The following SCNN1B variants were observed in gnomAD, a reference collection of about 807,000 sequenced individuals.
SCNN1B encodes the protein epithelial sodium channel subunit beta.
A neutral mutation model predicts 65.3 loss-of-function variants in SCNN1B; 46 were observed. The ratio of observed to expected loss-of-function variants is 0.70; its 90% CI spans 0.56 to 0.90. The LOEUF (loss-of-function observed/expected upper bound fraction) is 0.90, where lower values mean the gene tolerates loss of function less well. SCNN1B is among the 40% of genes least tolerant of loss of function. The probability of loss-of-function intolerance (pLI) is 0.00; values close to 1 mark genes in which losing one functional copy is unlikely to be tolerated. For synonymous variants in SCNN1B, 349 were observed against 330.6 expected, an observed-to-expected ratio of 1.06 and a Z score of -0.60; for missense variants, 751 against 830.5, an observed-to-expected ratio of 0.90 and a Z score of 1.18.
intron 4 of SCNN1B, among the ~76,000 whole-genome samples, chr16:23,360,999 T>C (rs1440409054): frequency 6.6e-6 from 1 of 152,186 alleles, no homozygotes; most frequent in East Asian, 1.9e-4. Context: ...TTTCACTGTG[T>C]TAGCCAGGAT....
chr16:23,278,744 A>G (rs185559925), intron 1 of SCNN1B, among the ~76,000 whole-genome samples: 35 of 152,144 alleles, frequency 2.3e-4, no homozygotes, highest in Admixed American at 4.6e-4. Context: ...CAGCCTGGGC[A>G]ACATAGTGAC....
intron 7 of SCNN1B, among the ~76,000 whole-genome samples, chr16:23,374,198 T>C (rs1293818457): frequency 7.0e-6 from 1 of 142,694 alleles, no homozygotes; most frequent in East Asian, 2.1e-4. Context: ...CCCAAGAGTT[T>C]GAGGATGCAG....
chr16:23,358,396 C>G (rs928301389), intron 4 of SCNN1B: 1 of 152,202 alleles, frequency 6.6e-6, no homozygotes, highest in African/African-American at 2.4e-5. Context: ...CACCTAGACT[C>G]AAATCCTGGC....
intron 1 of SCNN1B, among the ~76,000 whole-genome samples, chr16:23,340,772 G>A (rs1176767965): frequency 6.6e-6 from 1 of 152,148 alleles, no homozygotes; most frequent in Non-Finnish European, 1.5e-5. Context: ...ATGATCGGTA[G>A]ATCTATCATT....
chr16:23,365,304 G>A (rs1962625503), intron 4 of SCNN1B, among the ~76,000 whole-genome samples: 1 of 146,966 alleles, frequency 6.8e-6, no homozygotes, highest in Non-Finnish European at 1.5e-5. Flanking sequence ...AAGAGAGAAA[G>A]AGAGAAAAAG....
intron 1 of SCNN1B, among the ~76,000 whole-genome samples, chr16:23,340,332 A>C (rs1962029952): frequency 6.6e-6 from 1 of 152,102 alleles, no homozygotes; most frequent in African/African-American, 2.4e-5. Flanking sequence ...ATGATTCATG[A>C]TTTTAGTGTC....
intron 1 of SCNN1B, among the ~76,000 whole-genome samples, chr16:23,321,701 G>A (rs989781363): frequency 1.3e-5 from 2 of 152,134 alleles, no homozygotes; most frequent in Admixed American, 6.6e-5. Flanking sequence ...TAGGTACTCC[G>A]CGGACGGTGG....
At position 23,305,552 on chromosome 16, in the gene SCNN1B, A is replaced by AAATAT. The variant is rs1567290286; in HGVS notation, c.-9+3115_-9+3116insAATAT. On this transcript the variant is annotated intron_variant, in intron 1 of 12. Transcript: ENST00000343070. ...ATATATATTATATATATATATATATATATATATATATATATATATATATAT... is the reference window on the plus strand; with the variant it reads ...ATATATATTATATATATATATATATAAATATTATATATATATATATATATATATAT... Among the ~76,000 whole-genome samples, 4 of 37,592 alleles carry AAATAT rather than the reference A, an allele frequency of 1.1e-4. No individual in the cohort carries two copies. In the African/African-American group the frequency reaches 1.6e-3, roughly 15 times the overall value. The allele number at this position is 37,592 out of a possible 152,430, so 24.7% of individuals were successfully genotyped here.
chr16:23,359,330 G>C (rs1374066455), intron 4 of SCNN1B: 1 of 152,206 alleles, frequency 6.6e-6, no homozygotes, highest in Non-Finnish European at 1.5e-5. Context: ...GGCCCACCCC[G>C]CATCACTCTA....
chr16:23,375,928 C>A, intron 8 of SCNN1B, 73 bp downstream of exon 8: 2 of 1,071,178 alleles, frequency 1.9e-6, no homozygotes, highest in Non-Finnish European at 2.9e-6. Flanking sequence ...GAGGAGGAGG[C>A]AGAGCTCAGT....
chr16:23,293,210 AC>A (rs1409541147), intron 2 of SCNN1B, among the ~76,000 whole-genome samples: 1 of 151,470 alleles, frequency 6.6e-6, no homozygotes, highest in Non-Finnish European at 1.5e-5. Context: ...AACAGTGAAC[AC>A]CCATACTCAT....
At chr16:23,361,560 G>C (rs548091475) in intron 4 of SCNN1B, among the ~76,000 whole-genome samples, 4 of 152,324 alleles carry the variant, frequency 2.6e-5, no homozygotes, top group African/African-American at 9.6e-5. Flanking sequence ...TATTGACACA[G>C]TATGGACTCC....
chr16:23,359,898 G>A (rs1962501589), intron 4 of SCNN1B, among the ~76,000 whole-genome samples: 1 of 152,138 alleles, frequency 6.6e-6, no homozygotes, highest in Non-Finnish European at 1.5e-5. Flanking sequence ...CATTATAGGA[G>A]CATTTTTTTA....
intron 11 of SCNN1B, among the ~76,000 whole-genome samples, chr16:23,379,497 TAAG>T (rs753553788): frequency 2.0e-5 from 3 of 152,028 alleles, no homozygotes; most frequent in East Asian, 3.9e-4. Flanking sequence ...GCTGTTCAGA[TAAG>T]AAGAGGTACC....
upstream of SCNN1B, among the ~76,000 whole-genome samples, chr16:23,298,198 C>CAT (rs1483860327): frequency 6.6e-6 from 1 of 152,158 alleles, no homozygotes; most frequent in East Asian, 1.9e-4. Flanking sequence ...CTGACTGTGC[C>CAT]ATAATTTAAC....
chr16:23,323,686 G>A, intron 1 of SCNN1B: 1 of 688,284 alleles, frequency 1.5e-6, no homozygotes, highest in Non-Finnish European at 2.6e-6. Flanking sequence ...GGAATTAAAG[G>A]AGACATCTAG....
upstream of SCNN1B, among the ~76,000 whole-genome samples, chr16:23,301,287 G>A (rs1159211307): frequency 3.3e-5 from 5 of 151,114 alleles, no homozygotes; most frequent in East Asian, 5.8e-4. Context: ...GCTTGATTCC[G>A]GGAAGTGGAG....
At chr16:23,302,598 G>A (rs1005380238) in intron 1 of SCNN1B, among the ~76,000 whole-genome samples, 161 bp downstream of exon 1, 38 of 152,110 alleles carry the variant, frequency 2.5e-4, no homozygotes, top group African/African-American at 8.9e-4. Flanking sequence ...CCTGGGACCC[G>A]GCCTGGGGAC....
At chr16:23,343,618 AG>A (rs1962118026) in intron 1 of SCNN1B, among the ~76,000 whole-genome samples, 1 of 130,176 alleles carries the variant, frequency 7.7e-6, no homozygotes, top group Non-Finnish European at 1.6e-5. Flanking sequence ...AAAGAAAGAA[AG>A]AAAGAAAGAA....
Sources: gnomAD v4.1 joint callset for allele counts (sites outside exome capture counted in the v4.1 genomes callset) on GRCh38, gnomAD v4.1.1 for gene constraint, MANE v1.5 for transcripts, NCBI Gene and HGNC (gene_info 2026-07-23, HGNC 2026-07-21) for gene names.